PSTPIP2: variants seen among roughly 807,000 people sequenced by gnomAD.
PSTPIP2 encodes proline-serine-threonine phosphatase interacting protein 2, also known as proline-serine-threonine phosphatase-interacting protein 2.
In PSTPIP2, 33 loss-of-function variants were observed where a neutral mutation model predicts 63.3. The ratio of observed to expected loss-of-function variants is 0.52; its 90% CI spans 0.40 to 0.70. PSTPIP2 has a LOEUF of 0.70. Among genes scored for constraint, PSTPIP2 ranks in the 30% least tolerant of loss-of-function variants. PSTPIP2 has a pLI of 0.00. For missense variants in PSTPIP2, 312 were observed against 400.7 expected, an observed-to-expected ratio of 0.78 and a Z score of 1.89; for synonymous variants, 125 against 132.7, an observed-to-expected ratio of 0.94 and a Z score of 0.40.
chr18:46,070,005 T>C (rs1299247336), intron 1 of PSTPIP2, among the ~76,000 whole-genome samples: 1 of 152,208 alleles, frequency 6.6e-6, no homozygotes, highest in African/African-American at 2.4e-5. Flanking sequence ...TACTAAACTC[T>C]CAAGTTTAAT....
chr18:46,012,295 T>C (rs993515330), intron 4 of PSTPIP2, among the ~76,000 whole-genome samples: 2 of 151,668 alleles, frequency 1.3e-5, no homozygotes, highest in African/African-American at 2.4e-5. Flanking sequence ...ACAACCTTTC[T>C]GGAGGAAATT....
chr18:46,056,796 T>A (rs1908771258), intron 1 of PSTPIP2, among the ~76,000 whole-genome samples: 1 of 151,922 alleles, frequency 6.6e-6, no homozygotes, highest in Admixed American at 6.6e-5. Context: ...TTTTAAAATA[T>A]TACATTAAAG....
intron 3 of PSTPIP2, among the ~76,000 whole-genome samples, chr18:46,018,507 T>A (rs1249107204): frequency 2.0e-5 from 3 of 152,100 alleles, no homozygotes; most frequent in African/African-American, 7.2e-5. Flanking sequence ...TAGCTGGGAT[T>A]ACAGGTGCCC....
At chr18:46,038,137 T>C (rs1203129693) in intron 2 of PSTPIP2, among the ~76,000 whole-genome samples, 2 of 152,180 alleles carry the variant, frequency 1.3e-5, no homozygotes, top group African/African-American at 2.4e-5. Flanking sequence ...CAGAGCTCAC[T>C]GCAACCTTGA....
intron 2 of PSTPIP2, among the ~76,000 whole-genome samples, chr18:46,037,112 A>C (rs1349683496): frequency 1.3e-5 from 2 of 152,138 alleles, no homozygotes; most frequent in African/African-American, 4.8e-5. Context: ...TCTAAGAACC[A>C]CAAATATCCC....
At chr18:46,014,031 C>CT (rs61657655) in intron 4 of PSTPIP2, among the ~76,000 whole-genome samples, 18,431 of 147,012 alleles carry the variant, frequency 0.13, 1,374 homozygotes, top group East Asian at 0.38. Flanking sequence ...AAGAAGGGAT[C>CT]TTTTTTTTTT....
chr18:46,025,800 G>A (rs1320586820), intron 2 of PSTPIP2, among the ~76,000 whole-genome samples: 1 of 152,196 alleles, frequency 6.6e-6, no homozygotes. Context: ...TGCCACCCAG[G>A]CTGGAGTGCA....
rs1427961308 is a variant in PSTPIP2, at chr18:46,020,651, C to G, written c.212+3958G>C. 2.0e-5 allele frequency among the ~76,000 whole-genome samples: 3 copies of G among 148,774 alleles called. No individual in the cohort carries two copies. The South Asian group carries it at 6.3e-4, about 31-fold the overall frequency. ...TGGGTGACAGAGTGAGACTCCATCT[C>G]AAAAAAAAAATCATCCACTGTCTTC... On this transcript the variant is annotated intron_variant, in intron 3 of 14. Transcript: ENST00000409746.
In PSTPIP2 at chr18:45,983,611, A is replaced by G. The variant is rs553571465; in HGVS notation, c.*1848T>C. The stretch of plus-strand genomic sequence containing the variant: ...AAAATAAAAATATTTTCCATCCACA[A>G]AACGGTTTTACATCAACTACACTGA... On this transcript the variant is annotated 3_prime_UTR_variant, in exon 15 of 15. Coordinates refer to ENST00000409746, the MANE Select transcript of PSTPIP2 (RefSeq NM_024430.4). 6.6e-6 allele frequency: 1 copy of G among 152,312 alleles called. No homozygotes were observed. Among genetic ancestry groups the G allele is most frequent in the South Asian group, 2.1e-4 (1 of 4,826 alleles). The allele number at this position is 152,312 out of a possible 1,614,324, so 9.4% of individuals were successfully genotyped here.
At position 46,040,054 on chromosome 18, in the gene PSTPIP2, GA is replaced by G; in HGVS notation, c.34-8del. 6.3e-7 allele frequency: 1 copy of G among 1,587,846 alleles called. No homozygotes were observed. Among genetic ancestry groups the G allele is most frequent in the African/African-American group, 1.3e-5 (1 of 74,110 alleles). On this transcript the variant is annotated splice_region_variant and splice_polypyrimidine_tract_variant and intron_variant, in intron 1 of 14. Transcript: ENST00000409746. ...TGCTGAGGATGTCTGCACTCTGGGGGAAAGACAACATGGCATCAGACCAGGA... is the reference window on the plus strand; with the variant it reads ...TGCTGAGGATGTCTGCACTCTGGGGGAAGACAACATGGCATCAGACCAGGA...
chr18:46,066,108 G>C (rs1280690397), intron 1 of PSTPIP2, among the ~76,000 whole-genome samples: 1 of 151,952 alleles, frequency 6.6e-6, no homozygotes, highest in Non-Finnish European at 1.5e-5. Context: ...GGGAGGCCAA[G>C]GCAGGCAGAT....
intron 14 of PSTPIP2, among the ~76,000 whole-genome samples, chr18:45,987,080 C>G (rs1268967165): frequency 6.6e-6 from 1 of 152,130 alleles, no homozygotes; most frequent in African/African-American, 2.4e-5. Flanking sequence ...CTCAAGTGAT[C>G]CACCTGCCTC....
Position 46,043,212 on chromosome 18 carries a change from C to G in PSTPIP2, c.34-3165G>C, listed in dbSNP as rs28688826. Reference sequence around the variant, plus strand: ...ACCAGCCTGGGCAACATAGCGAAACCTCACCTCTCCTTAAAAAAAAAAAAA... The same window carrying G: ...ACCAGCCTGGGCAACATAGCGAAACGTCACCTCTCCTTAAAAAAAAAAAAA... On this transcript the variant is annotated intron_variant, in intron 1 of 14. Transcript: ENST00000409746. Among the ~76,000 whole-genome samples the G allele has an allele frequency of 1.6e-3, 221 of 141,546 alleles. 1 individual carries two copies. Among genetic ancestry groups the G allele is most frequent in the African/African-American group, 5.7e-3 (210 of 37,120 alleles). 92.9% of individuals were successfully genotyped at this position (141,546 alleles called of 152,430 possible). A position where few individuals can be genotyped will look rare whatever the true frequency, so the allele number is the denominator to read the frequency against.
In PSTPIP2 at chr18:45,993,643, C is replaced by A; in HGVS notation, c.703G>T (p.Val235Leu). ...ACACATTGTTGTGACAGCTGATTCACATGTAACCACAATGCATTCCGGAAG... is the reference window on the plus strand; with the variant it reads ...ACACATTGTTGTGACAGCTGATTCAAATGTAACCACAATGCATTCCGGAAG... ...NFFRNALWLH[V>L]NQLSQQCVTS... The change falls in exon 10 of 15, where the codon GTG becomes TTG. Residue 235 changes from valine to leucine, a missense_variant. Physicochemically the swap from Val to Leu is conservative, Grantham distance 32 (BLOSUM62 1). Transcript: ENST00000409746. 1 of 1,614,200 alleles carries A rather than the reference C, an allele frequency of 6.2e-7. No homozygotes were observed. The highest frequency in any genetic ancestry group is 8.5e-7 in the Non-Finnish European group (1 of 1,180,028).
intron 1 of PSTPIP2, chr18:46,040,328 A>G (rs549141105): frequency 3.4e-5 from 10 of 298,028 alleles, no homozygotes; most frequent in Non-Finnish European, 6.3e-5. Context: ...AAGCCACCCA[A>G]GTAAGTCAGG....
Position 46,072,251 on chromosome 18 carries a change from G to A in PSTPIP2, c.-63C>T, listed in dbSNP as rs1230398796. 3 of 1,510,486 alleles carry A rather than the reference G, an allele frequency of 2.0e-6. No homozygotes were observed. The highest frequency in any genetic ancestry group is 2.5e-5 in the South Asian group (2 of 80,138). The allele number at this position is 1,510,486 out of a possible 1,614,324, so 93.6% of individuals were successfully genotyped here. A position where few individuals can be genotyped will look rare whatever the true frequency, so the allele number is the denominator to read the frequency against. ...CAGGTAGCACAGAGCGGGGAGGCCTGACTGCCACTGCCCGCGGCTCCGCAG... is the reference window on the plus strand; with the variant it reads ...CAGGTAGCACAGAGCGGGGAGGCCTAACTGCCACTGCCCGCGGCTCCGCAG... On this transcript the variant is annotated 5_prime_UTR_variant, in exon 1 of 15. Coordinates refer to ENST00000409746, the MANE Select transcript of PSTPIP2 (RefSeq NM_024430.4).
rs9951540 is a variant in PSTPIP2, at chr18:46,012,835, A to G, written c.248-1548T>C. On this transcript the variant is annotated intron_variant, in intron 4 of 14. Transcript: ENST00000409746. ...GTCTGGAAATATATACCAAACTACT[A>G]GCATGATTTTAAAATGATTGTTTTC... 2.9e-3 allele frequency among the ~76,000 whole-genome samples: 441 copies of G among 152,370 alleles called. 1 individual carries two copies. The highest frequency in any genetic ancestry group is 0.01 in the African/African-American group (421 of 41,594).
At chr18:46,042,518 T>C (rs939562573) in intron 1 of PSTPIP2, among the ~76,000 whole-genome samples, 2 of 152,184 alleles carry the variant, frequency 1.3e-5, no homozygotes, top group Non-Finnish European at 2.9e-5. Context: ...CTGCAAGTGC[T>C]TGCAGCTTCT....
In PSTPIP2 at chr18:46,003,939, T is replaced by C. The variant is rs183325028; in HGVS notation, c.417+1530A>G. ...ACCCAGCTAATTTTTTTTTTTTTTG[T>C]ATTTTTAGTAGAGTCGCGGTTTTGC... On this transcript the variant is annotated intron_variant, in intron 6 of 14. Coordinates refer to ENST00000409746, the MANE Select transcript of PSTPIP2 (RefSeq NM_024430.4). Among the ~76,000 whole-genome samples, 9 of 150,988 alleles carry C rather than the reference T, an allele frequency of 6.0e-5. No homozygotes were observed. The East Asian group carries it at 1.7e-3, about 29-fold the overall frequency.
Sources: gnomAD v4.1 joint callset for allele counts (sites outside exome capture counted in the v4.1 genomes callset) on GRCh38, gnomAD v4.1.1 for gene constraint, MANE v1.5 for transcripts, NCBI Gene and HGNC (gene_info 2026-07-23, HGNC 2026-07-21) for gene names.